ZNF250: variants seen among roughly 807,000 people sequenced by gnomAD.
ZNF250 encodes the protein zinc finger protein (clone 647).
Under a neutral mutation model 37.1 loss-of-function variants are expected in ZNF250, and 13 were observed. The ratio of observed to expected loss-of-function variants is 0.35; its 90% CI spans 0.23 to 0.56. The LOEUF (loss-of-function observed/expected upper bound fraction) is 0.56. Among genes scored for constraint, ZNF250 ranks in the 20% least tolerant of loss-of-function variants. ZNF250 has a pLI of 0.87. For synonymous variants in ZNF250, 251 were observed against 265.6 expected, an observed-to-expected ratio of 0.94 and a Z score of 0.54; for missense variants, 474 against 697.9, an observed-to-expected ratio of 0.68 and a Z score of 3.61.
intron 4 of ZNF250, among the ~76,000 whole-genome samples, chr8:144,889,068 G>A (rs763817699): frequency 2.6e-5 from 4 of 152,168 alleles, no homozygotes; most frequent in Non-Finnish European, 5.9e-5. Context: ...ACGCCTGGCC[G>A]GTTTTGCCTT....
chr8:144,895,167 G>C (rs1007917960), intron 1 of ZNF250: 1 of 152,174 alleles, frequency 6.6e-6, no homozygotes, highest in African/African-American at 2.4e-5. Context: ...TGTGGGTGAG[G>C]GTGCAGATTC....
intron 1 of ZNF250, among the ~76,000 whole-genome samples, chr8:144,893,709 C>G (rs192033336): frequency 1.9e-4 from 29 of 152,286 alleles, no homozygotes; most frequent in East Asian, 1.7e-3. Context: ...GTCATTCTCT[C>G]TACGGACCAA....
rs1831452413 is a variant in ZNF250 at position 144,881,354 on chromosome 8, A to G, written c.*161T>C. On this transcript the variant is annotated 3_prime_UTR_variant, in exon 6 of 6. Transcript: ENST00000417550. ...CAGGTAGTCTCTGAAGTTTTTCCAC[A>G]GGAACAGCACGCTAAGTGCTTCTTT... 2 of 1,082,628 alleles carry G rather than the reference A, an allele frequency of 1.8e-6. No individual in the cohort carries two copies. The highest frequency in any genetic ancestry group is 2.5e-6 in the Non-Finnish European group (2 of 800,258). The allele number at this position is 1,082,628 out of a possible 1,614,324, so 67.1% of individuals were successfully genotyped here. A position where few individuals can be genotyped will look rare whatever the true frequency, so the allele number is the denominator to read the frequency against.
At chr8:144,900,974 G>C (rs1269546903) in intron 1 of ZNF250, among the ~76,000 whole-genome samples, 1 of 152,222 alleles carries the variant, frequency 6.6e-6, no homozygotes, top group Non-Finnish European at 1.5e-5. Context: ...TGCGCCCCTA[G>C]GACTCCGGCC....
Position 144,891,231 on chromosome 8 carries a change from G to C in ZNF250, c.-54-828C>G, listed in dbSNP as rs1832313202. ...ATCAAAAAGAAGATACTGTGACAGGGATACAGAAACCAACCAGGTGACCAA... is the reference window on the plus strand; with the variant it reads ...ATCAAAAAGAAGATACTGTGACAGGCATACAGAAACCAACCAGGTGACCAA... On this transcript the variant is annotated intron_variant, in intron 1 of 5. Transcript: ENST00000417550. This position sits in a 1 kb window ranked among gnomAD's most constrained non-coding sequence, Gnocchi z 4.0. Among the ~76,000 whole-genome samples the C allele has an allele frequency of 6.6e-6, 1 of 152,134 alleles. No homozygotes were observed. The highest frequency in any genetic ancestry group is 2.4e-5 in the African/African-American group (1 of 41,428).
intron 5 of ZNF250, among the ~76,000 whole-genome samples, chr8:144,884,304 T>C (rs1336502912): frequency 6.6e-6 from 1 of 152,170 alleles, no homozygotes; most frequent in East Asian, 1.9e-4. Flanking sequence ...CAGGCTGGAG[T>C]GCAATGGGAC....
In ZNF250 at chr8:144,881,564, T is replaced by C; in HGVS notation, c.1619A>G (p.Asn540Ser). The C allele has an allele frequency of 8.1e-6, 13 of 1,608,576 alleles. No individual in the cohort carries two copies. The highest frequency in any genetic ancestry group is 1.1e-5 in the Non-Finnish European group (13 of 1,175,688). Reference protein sequence around the residue: ...YECGECGRAFNQHGHLIQHQK... With the variant: ...YECGECGRAFSQHGHLIQHQK... ...GTGCTGGATTAGGTGGCCATGCTGG[T>C]TGAAGGCACGCCCACACTCCCCGCA... Residue 540 changes from asparagine to serine, a missense_variant, in exon 6 of 6, where the codon AAC (asparagine) becomes AGC (serine). Asn to Ser is a conservative substitution (Grantham distance 46). Around this residue, in one of 2 missense-constraint regions of ZNF250, gnomAD observed 282 missense variants for 470.4 expected, o/e 0.60. Transcript: ENST00000417550.
intron 3 of ZNF250, 73 bp downstream of exon 3, chr8:144,889,860 C>T (rs985637465): frequency 1.3e-6 from 2 of 1,525,404 alleles, no homozygotes; most frequent in East Asian, 2.3e-5. Context: ...CTGTCCCAGG[C>T]CCCGTACCCT....
At chr8:144,888,786 T>C (rs1193242025) in intron 4 of ZNF250, among the ~76,000 whole-genome samples, 1 of 151,936 alleles carries the variant, frequency 6.6e-6, no homozygotes, top group African/African-American at 2.4e-5. Flanking sequence ...TCATGCTCTG[T>C]CCCCCAGGCT....
At chr8:144,886,692 C>A in intron 5 of ZNF250, 148 bp downstream of exon 5, 1 of 593,868 alleles carries the variant, frequency 1.7e-6, no homozygotes, top group Non-Finnish European at 2.8e-6. Context: ...ATTAAAAACA[C>A]AAAAAGCCCC....
At chr8:144,887,474 T>C (rs529392433) in intron 4 of ZNF250, among the ~76,000 whole-genome samples, 85 of 152,198 alleles carry the variant, frequency 5.6e-4, no homozygotes, top group African/African-American at 2.0e-3. Context: ...TCTGTTTCTA[T>C]GCACATCAGT....
At chr8:144,889,064 G>A (rs1832122571) in intron 4 of ZNF250, among the ~76,000 whole-genome samples, 1 of 152,182 alleles carries the variant, frequency 6.6e-6, no homozygotes. Context: ...CACCACGCCT[G>A]GCCGGTTTTG....
rs1158152845 is a variant in ZNF250, at chr8:144,897,659, CA to C, written c.-55+3739del. On this transcript the variant is annotated intron_variant, in intron 1 of 5. Coordinates refer to ENST00000417550, the MANE Select transcript of ZNF250 (RefSeq NM_001109689.4). This position sits in a 1 kb window ranked among gnomAD's most constrained non-coding sequence, Gnocchi z 5.2. ...AATATAGAGGTGTGAAGTGGGAAATCAGGGGTCTCACAGCCTTCAGAGCTGA... is the reference window on the plus strand; with the variant it reads ...AATATAGAGGTGTGAAGTGGGAAATCGGGGTCTCACAGCCTTCAGAGCTGA... Among the ~76,000 whole-genome samples, 1 of 152,166 alleles carries C rather than the reference CA, an allele frequency of 6.6e-6. No individual in the cohort carries two copies. Among genetic ancestry groups the C allele is most frequent in the Non-Finnish European group, 1.5e-5 (1 of 68,034 alleles).
At chr8:144,887,656 C>T (rs62531543) in intron 4 of ZNF250, among the ~76,000 whole-genome samples, 1 of 152,154 alleles carries the variant, frequency 6.6e-6, no homozygotes, top group East Asian at 1.9e-4. Context: ...CTCCATCAGG[C>T]GAGTACATAG....
chr8:144,899,842 T>C (rs908813682), intron 1 of ZNF250, among the ~76,000 whole-genome samples: 1 of 152,162 alleles, frequency 6.6e-6, no homozygotes, highest in Admixed American at 6.5e-5. Flanking sequence ...TCCAGACGTA[T>C]CCAACATTTT....
chr8:144,895,627 A>G (rs1219245996), intron 1 of ZNF250, among the ~76,000 whole-genome samples: 2 of 152,218 alleles, frequency 1.3e-5, no homozygotes, highest in African/African-American at 4.8e-5. Flanking sequence ...AAAGGGAAAG[A>G]CTGCCACCTG....
chr8:144,880,588 G>C lies in ZNF250; in HGVS notation c.*927C>G, dbSNP rs1475636508. ...CCAGATAAAGGGTTTTCTAGGCCAG[G>C]CATGGTGCCTCACGCCTGTAATCCC... is the stretch of plus-strand genomic sequence containing the variant. On this transcript the variant is annotated 3_prime_UTR_variant, in exon 6 of 6. Coordinates refer to ENST00000417550, the MANE Select transcript of ZNF250 (RefSeq NM_001109689.4). 4.6e-6 allele frequency: 2 copies of C among 438,548 alleles called. No individual in the cohort carries two copies. The highest frequency in any genetic ancestry group is 9.3e-6 in the Non-Finnish European group (2 of 215,426). 27.2% of individuals were successfully genotyped at this position (438,548 alleles called of 1,614,324 possible).
At chr8:144,894,377 C>T (rs773156325) in intron 1 of ZNF250, among the ~76,000 whole-genome samples, 4 of 152,106 alleles carry the variant, frequency 2.6e-5, no homozygotes, top group Admixed American at 2.0e-4. Flanking sequence ...CCTCCCAGGA[C>T]CCCACTGGCT....
chr8:144,882,029 G>T lies in ZNF250; in HGVS notation c.1154C>A (p.Thr385Asn). Residue 385 changes from threonine to asparagine, a missense_variant, in exon 6 of 6, where the codon ACC (threonine) becomes AAC (asparagine). Thr to Asn is a moderately conservative substitution (Grantham distance 65). Transcript: ENST00000417550. The surrounding 1 kb of genome is among the most constrained non-coding windows in gnomAD (Gnocchi z 5.5). ...SVLIQHHNVHTGEKPYECSEC... is the reference protein window; with the variant it reads ...SVLIQHHNVHNGEKPYECSEC... ...ACTGCACTCATAGGGCTTCTCCCCGGTGTGCACGTTGTGGTGCTGAATGAG... is the reference window on the plus strand; with the variant it reads ...ACTGCACTCATAGGGCTTCTCCCCGTTGTGCACGTTGTGGTGCTGAATGAG... 1 of 1,614,162 alleles carries T rather than the reference G, an allele frequency of 6.2e-7. No homozygotes were observed. Among genetic ancestry groups the T allele is most frequent in the East Asian group, 2.2e-5 (1 of 44,866 alleles).
Sources: allele counts gnomAD v4.1 joint callset (sites outside exome capture counted in the v4.1 genomes callset), GRCh38; gene constraint gnomAD v4.1.1; regional missense constraint gnomAD v4.1.1; non-coding constraint Gnocchi (gnomAD v3.1); transcripts MANE v1.5; gene names NCBI Gene and HGNC (gene_info 2026-07-23, HGNC 2026-07-21).